Variants in CORIN observed in about 807,000 individuals in gnomAD.
The protein encoded by CORIN is corin, serine peptidase.
In CORIN, 117 loss-of-function variants were observed where a neutral mutation model predicts 125.3. The observed-to-expected ratio is 0.93, with a 90% CI of 0.80 to 1.09. CORIN has a LOEUF of 1.09. Among genes scored for constraint, CORIN ranks in the 50% least tolerant of loss-of-function variants. CORIN has a pLI of 0.00. For synonymous variants in CORIN, 450 were observed against 466.4 expected (o/e 0.96, Z 0.45); for missense variants, 1,253 against 1,306.7 (o/e 0.96, Z 0.63).
intron 6 of CORIN, 122 bp downstream of exon 6, chr4:47,692,848 A>G (rs1725827858): frequency 4.1e-6 from 3 of 725,832 alleles, no homozygotes; most frequent in Non-Finnish European, 7.3e-6. Flanking sequence ...TTCTGGGGGA[A>G]GATAAACACG....
chr4:47,761,771 A>G (rs1307112245), intron 4 of CORIN, among the ~76,000 whole-genome samples: 1 of 152,138 alleles, frequency 6.6e-6, no homozygotes, highest in Non-Finnish European at 1.5e-5. Context: ...AATTACAGTT[A>G]GCTAGGGGGA....
chr4:47,746,150 A>G (rs2109840219), intron 4 of CORIN, among the ~76,000 whole-genome samples: 1 of 152,304 alleles, frequency 6.6e-6, no homozygotes, highest in Middle Eastern at 3.4e-3. Flanking sequence ...GTTTTTCATT[A>G]TTTCCTGCCT....
At chr4:47,718,171 A>G (rs1415403980) in intron 5 of CORIN, among the ~76,000 whole-genome samples, 1 of 152,158 alleles carries the variant, frequency 6.6e-6, no homozygotes, top group African/African-American at 2.4e-5. Context: ...CCAAAAGTCT[A>G]TTTTCTTTCC....
intron 6 of CORIN, among the ~76,000 whole-genome samples, chr4:47,686,069 G>A (rs1315967735): frequency 6.7e-6 from 1 of 148,416 alleles, no homozygotes; most frequent in Non-Finnish European, 1.5e-5. Context: ...ATGACGATTC[G>A]TTATCCAAAG....
At chr4:47,816,663 C>A (rs1732280815) in intron 1 of CORIN, among the ~76,000 whole-genome samples, 1 of 152,100 alleles carries the variant, frequency 6.6e-6, no homozygotes, top group South Asian at 2.1e-4. Flanking sequence ...GCGTTTATTC[C>A]AATGAGCCTC....
chr4:47,728,068 A>T (rs1421198113), intron 5 of CORIN, among the ~76,000 whole-genome samples: 1 of 152,196 alleles, frequency 6.6e-6, no homozygotes, highest in Non-Finnish European at 1.5e-5. Flanking sequence ...GAGAATGGAG[A>T]CTTCAAATTG....
At chr4:47,633,478 A>C (rs1164405156) in intron 16 of CORIN, among the ~76,000 whole-genome samples, 2 of 152,234 alleles carry the variant, frequency 1.3e-5, no homozygotes, top group Non-Finnish European at 2.9e-5. Flanking sequence ...TCATTTGAAC[A>C]TATATAAAAT....
chr4:47,678,632 T>G (rs1220726479), intron 8 of CORIN, among the ~76,000 whole-genome samples: 1 of 152,236 alleles, frequency 6.6e-6, no homozygotes, highest in Non-Finnish European at 1.5e-5. Flanking sequence ...TTTCAACACT[T>G]GTTTATGACA....
At chr4:47,706,811 G>A (rs1726588725) in intron 5 of CORIN, 2 of 1,598,160 alleles carry the variant, frequency 1.3e-6, no homozygotes, top group East Asian at 4.5e-5. Flanking sequence ...AAGAAATCCT[G>A]ACACCCCATG....
intron 3 of CORIN, among the ~76,000 whole-genome samples, chr4:47,766,451 C>T (rs764805875): frequency 1.3e-5 from 2 of 152,088 alleles, no homozygotes; most frequent in South Asian, 4.2e-4. Context: ...CAAGACCCTT[C>T]CACATATATC....
In CORIN at chr4:47,757,855, C is replaced by CACATATATAT. The variant is rs201281643; in HGVS notation, c.617+5514_617+5523dup. Among the ~76,000 whole-genome samples, 147 of 123,682 alleles carry CACATATATAT rather than the reference C, an allele frequency of 1.2e-3. 1 individual carries two copies. Among genetic ancestry groups the CACATATATAT allele is most frequent in the African/African-American group, 4.4e-3 (137 of 31,244 alleles). The allele number at this position is 123,682 out of a possible 152,430, so 81.1% of individuals were successfully genotyped here. A position where few individuals can be genotyped will look rare whatever the true frequency, so the allele number is the denominator to read the frequency against. Reference sequence around the variant, plus strand: ...CAGGAGAATGATTGAAATGAGTTTACACATATATATACATATATATATGTA... The same window carrying CACATATATAT: ...CAGGAGAATGATTGAAATGAGTTTACACATATATATACATATATATACATATATATATGTA... On this transcript the variant is annotated intron_variant, in intron 4 of 21. Coordinates refer to ENST00000273857, the MANE Select transcript of CORIN (RefSeq NM_006587.4).
At chr4:47,606,304 G>A (rs1721642245) in intron 19 of CORIN, among the ~76,000 whole-genome samples, 1 of 151,976 alleles carries the variant, frequency 6.6e-6, no homozygotes, top group Non-Finnish European at 1.5e-5. Flanking sequence ...CCAGGTTGGA[G>A]TGCAGTGGCA....
At chr4:47,743,037 A>G (rs76341708) in intron 5 of CORIN, among the ~76,000 whole-genome samples, 6,118 of 152,150 alleles carry the variant, frequency 0.04, 416 homozygotes, top group African/African-American at 0.14. Context: ...ATACACATAG[A>G]AAAAAATTAA....
At chr4:47,639,233 A>G (rs572838769) in intron 16 of CORIN, among the ~76,000 whole-genome samples, 8 of 152,362 alleles carry the variant, frequency 5.3e-5, no homozygotes, top group African/African-American at 1.9e-4. Flanking sequence ...AATTTATACT[A>G]TCAAGATAAG....
chr4:47,595,964 G>A, intron 21 of CORIN, 61 bp from the exon 22 acceptor site: 1 of 1,375,072 alleles, frequency 7.3e-7, no homozygotes, highest in Non-Finnish European at 1.0e-6. Flanking sequence ...GTGTGTCCAT[G>A]CTATCCTGAG....
At chr4:47,769,852 C>T (rs911363836) in intron 3 of CORIN, among the ~76,000 whole-genome samples, 4 of 152,080 alleles carry the variant, frequency 2.6e-5, no homozygotes, top group African/African-American at 9.6e-5. Context: ...ACACCATATA[C>T]AAAATTAACT....
In CORIN at chr4:47,698,287, C is replaced by T. The variant is rs141118920; in HGVS notation, c.800-5204G>A. ...AACATTAATATTATTAATATTGGCACCCAATATTAATTAGGGTGCCAGGGC... is the reference window on the plus strand; with the variant it reads ...AACATTAATATTATTAATATTGGCATCCAATATTAATTAGGGTGCCAGGGC... On this transcript the variant is annotated intron_variant, in intron 5 of 21. Transcript: ENST00000273857. Among the ~76,000 whole-genome samples the T allele has an allele frequency of 1.2e-3, 176 of 151,532 alleles. 1 individual carries two copies. Among genetic ancestry groups the T allele is most frequent in the East Asian group, 2.1e-3 (11 of 5,144 alleles).
intron 10 of CORIN, among the ~76,000 whole-genome samples, chr4:47,668,911 G>A (rs1365488223): frequency 2.0e-5 from 3 of 152,144 alleles, no homozygotes; most frequent in Non-Finnish European, 4.4e-5. Flanking sequence ...AGAATGCTAA[G>A]CAAGATAAAC....
chr4:47,742,946 T>G (rs1728478462), intron 5 of CORIN, among the ~76,000 whole-genome samples: 1 of 152,142 alleles, frequency 6.6e-6, no homozygotes, highest in Non-Finnish European at 1.5e-5. Flanking sequence ...ATCATTCACT[T>G]GATTGATAGC....
Sources: gnomAD v4.1 joint callset for allele counts (sites outside exome capture counted in the v4.1 genomes callset) on GRCh38, gnomAD v4.1.1 for gene constraint, MANE v1.5 for transcripts, NCBI Gene and HGNC (gene_info 2026-07-23, HGNC 2026-07-21) for gene names.